Variants in ZFAND3 observed in about 807,000 individuals in gnomAD.
ZFAND3 encodes the protein AN1-type zinc finger protein 3.
In ZFAND3, 10 loss-of-function variants were observed where a neutral mutation model predicts 29.6. The ratio of observed to expected loss-of-function variants is 0.34; its 90% CI spans 0.21 to 0.57. The LOEUF (loss-of-function observed/expected upper bound fraction) is 0.57, where lower values mean the gene tolerates loss of function less well. ZFAND3 is among the 20% of genes least tolerant of loss of function. The pLI, the probability that ZFAND3 is intolerant of heterozygous loss-of-function variation, is 0.86. For missense variants in ZFAND3, 230 were observed against 304.5 expected (o/e 0.76, Z 1.82); for synonymous variants, 128 against 112.6 (o/e 1.14, Z -0.87).
intron 3 of ZFAND3, 81 bp downstream of exon 3, chr6:38,061,856 G>GA (rs1411201610): frequency 8.1e-6 from 12 of 1,475,144 alleles, no homozygotes; most frequent in East Asian, 4.7e-5. Flanking sequence ...CCTGACCCCA[G>GA]AAAAAACAGC....
At chr6:38,046,969 CAG>C (rs1024369885) in intron 2 of ZFAND3, among the ~76,000 whole-genome samples, 1 of 151,894 alleles carries the variant, frequency 6.6e-6, no homozygotes, top group African/African-American at 2.4e-5. Flanking sequence ...CTGGGAAAAT[CAG>C]AGTTAGAGCT....
At chr6:38,104,326 C>G (rs918081018) in intron 4 of ZFAND3, among the ~76,000 whole-genome samples, 2 of 152,132 alleles carry the variant, frequency 1.3e-5, no homozygotes, top group Non-Finnish European at 2.9e-5. Flanking sequence ...GAAGAGGAAG[C>G]TTTGACTTCT....
At chr6:38,137,701 G>C (rs915663142) in intron 5 of ZFAND3, among the ~76,000 whole-genome samples, 4 of 152,226 alleles carry the variant, frequency 2.6e-5, no homozygotes, top group South Asian at 2.1e-4. Flanking sequence ...AATAGGGAAG[G>C]GGGAGGCCAG....
intron 3 of ZFAND3, among the ~76,000 whole-genome samples, chr6:38,065,617 G>A (rs1042894731): frequency 6.6e-6 from 1 of 152,152 alleles, no homozygotes; most frequent in Non-Finnish European, 1.5e-5. Context: ...TACAGATGAG[G>A]ACATTAAAAC....
intron 4 of ZFAND3, among the ~76,000 whole-genome samples, chr6:38,097,249 ATTTTTTT>A (rs1190146160): frequency 1.4e-4 from 17 of 123,476 alleles, no homozygotes; most frequent in African/African-American, 4.2e-4. Context: ...TTAATTTTTC[ATTTTTTT>A]TTTTTTTTTT....
At chr6:37,864,479 G>A (rs1764547586) in intron 1 of ZFAND3, among the ~76,000 whole-genome samples, 1 of 152,116 alleles carries the variant, frequency 6.6e-6, no homozygotes, top group Admixed American at 6.5e-5. Flanking sequence ...TCTGAGATAA[G>A]CAAAATGATG....
chr6:37,974,518 C>T (rs1762447575), intron 2 of ZFAND3, among the ~76,000 whole-genome samples: 2 of 151,636 alleles, frequency 1.3e-5, no homozygotes. Flanking sequence ...AATCCTCCCA[C>T]CTCAGCCTCC....
rs1443602437 is a variant in ZFAND3 at position 38,105,271 on chromosome 6, G to GT, written c.362-11300dup. On this transcript the variant is annotated intron_variant, in intron 4 of 5. Transcript: ENST00000287218. ...ATAGGCTTGTACAAGTCCAGGCATG[G>GT]TGGGTCATGCCTGTAATCCCAGCTA... is the stretch of plus-strand genomic sequence containing the variant. 2.6e-5 allele frequency among the ~76,000 whole-genome samples: 4 copies of GT among 152,260 alleles called. No individual in the cohort carries two copies. The East Asian group carries it at 5.8e-4, about 22-fold the overall frequency.
chr6:38,054,858 A>G (rs1406048230), intron 2 of ZFAND3, among the ~76,000 whole-genome samples: 1 of 152,216 alleles, frequency 6.6e-6, no homozygotes, highest in Admixed American at 6.5e-5. Flanking sequence ...CCAGAATTTT[A>G]TTAAGATTTT....
chr6:38,040,540 T>C (rs1007951004), intron 2 of ZFAND3, among the ~76,000 whole-genome samples: 77 of 152,252 alleles, frequency 5.1e-4, no homozygotes, highest in African/African-American at 1.8e-3. Context: ...TTAGTTTTGA[T>C]GTGAAGTACA....
rs192775670 is a variant in ZFAND3 at position 37,844,474 on chromosome 6, G to A, written c.71+24458G>A. Among the ~76,000 whole-genome samples, 711 of 151,578 alleles carry A rather than the reference G, an allele frequency of 4.7e-3. 7 individuals carry two copies. Among genetic ancestry groups the A allele is most frequent in the African/African-American group, 0.017 (686 of 41,292 alleles). On this transcript the variant is annotated intron_variant, in intron 1 of 5. Coordinates refer to ENST00000287218, the MANE Select transcript of ZFAND3 (RefSeq NM_021943.3). The stretch of plus-strand genomic sequence containing the variant: ...TTTTTTGTATTCTTAGTAGCGATGG[G>A]GTTTCACCATGTTAGCCAGGATGGT...
intron 1 of ZFAND3, among the ~76,000 whole-genome samples, chr6:37,840,409 C>G (rs547780890): frequency 6.6e-6 from 1 of 152,206 alleles, no homozygotes; most frequent in Non-Finnish European, 1.5e-5. Context: ...AATTTTATTT[C>G]ATTAATTTCT....
intron 2 of ZFAND3, among the ~76,000 whole-genome samples, chr6:38,039,666 G>A (rs1763723644): frequency 6.6e-6 from 1 of 152,142 alleles, no homozygotes; most frequent in Admixed American, 6.5e-5. Flanking sequence ...GTACTCTGTA[G>A]TGCATGGAAA....
intron 2 of ZFAND3, among the ~76,000 whole-genome samples, chr6:38,027,357 G>A (rs907164157): frequency 4.6e-5 from 7 of 152,138 alleles, no homozygotes; most frequent in African/African-American, 1.7e-4. Flanking sequence ...AATCTTTAAG[G>A]TCCTTCTCAA....
intron 5 of ZFAND3, among the ~76,000 whole-genome samples, chr6:38,134,141 C>T (rs1009865408): frequency 6.6e-6 from 1 of 152,232 alleles, no homozygotes; most frequent in Non-Finnish European, 1.5e-5. Flanking sequence ...TAAGATGCTT[C>T]TGGAAAACCG....
At chr6:37,900,613 C>T (rs561770715) in intron 1 of ZFAND3, among the ~76,000 whole-genome samples, 1 of 152,172 alleles carries the variant, frequency 6.6e-6, no homozygotes, top group Admixed American at 6.5e-5. Flanking sequence ...ACATTACTTG[C>T]TTGTTGTTAG....
At chr6:37,851,691 A>G (rs1315609023) in intron 1 of ZFAND3, among the ~76,000 whole-genome samples, 3 of 152,228 alleles carry the variant, frequency 2.0e-5, no homozygotes, top group Non-Finnish European at 2.9e-5. Flanking sequence ...GAAAGGCAGT[A>G]TATGTATAGA....
chr6:38,064,797 A>T (rs1764309640), intron 3 of ZFAND3, among the ~76,000 whole-genome samples: 1 of 150,914 alleles, frequency 6.6e-6, no homozygotes, highest in Non-Finnish European at 1.5e-5. Context: ...TTTCTCTTAG[A>T]CTTATACTCT....
At chr6:37,961,520 C>G (rs1180629867) in intron 2 of ZFAND3, among the ~76,000 whole-genome samples, 1 of 152,222 alleles carries the variant, frequency 6.6e-6, no homozygotes, top group Admixed American at 6.5e-5. Flanking sequence ...AGGTGACAGC[C>G]AGGGTGTGGT....
Sources: gnomAD v4.1 joint callset for allele counts (sites outside exome capture counted in the v4.1 genomes callset) on GRCh38, gnomAD v4.1.1 for gene constraint, MANE v1.5 for transcripts, NCBI Gene and HGNC (gene_info 2026-07-23, HGNC 2026-07-21) for gene names.